Variants in PLCB4 observed in about 807,000 individuals in gnomAD.
PLCB4 encodes the protein phospholipase C beta 4.
A neutral mutation model predicts 178.8 loss-of-function variants in PLCB4; 77 were observed. The ratio of observed to expected loss-of-function variants is 0.43; its 90% CI spans 0.36 to 0.52. PLCB4 has a LOEUF of 0.52. PLCB4 is among the 20% of genes least tolerant of loss of function. The pLI, the probability that PLCB4 is intolerant of heterozygous loss-of-function variation, is 0.00. For synonymous variants in PLCB4, 496 were observed against 490.8 expected (o/e 1.01, Z -0.14); for missense variants, 1,024 against 1,453.4 (o/e 0.70, Z 4.80).
intron 4 of PLCB4, among the ~76,000 whole-genome samples, chr20:9,316,406 C>T (rs1205725921): frequency 6.6e-6 from 1 of 152,144 alleles, no homozygotes; most frequent in African/African-American, 2.4e-5. Context: ...CAGGGACTGG[C>T]ATGATCTGAT....
At chr20:9,424,673 C>T (rs1234099369) in intron 28 of PLCB4, among the ~76,000 whole-genome samples, 1 of 152,262 alleles carries the variant, frequency 6.6e-6, no homozygotes, top group East Asian at 1.9e-4. Context: ...CCTCTCAAAC[C>T]CCTCATTTCC....
chr20:9,198,150 TA>T (rs1156622269), intron 2 of PLCB4, among the ~76,000 whole-genome samples: 1 of 152,150 alleles, frequency 6.6e-6, no homozygotes, highest in East Asian at 1.9e-4. Flanking sequence ...GAGATATAAC[TA>T]AGGTTTTTAT....
intron 2 of PLCB4, among the ~76,000 whole-genome samples, chr20:9,130,041 T>C (rs961783863): frequency 6.6e-6 from 1 of 152,112 alleles, no homozygotes; most frequent in African/African-American, 2.4e-5. Flanking sequence ...TAATATTAAA[T>C]TATGTATTTA....
chr20:9,355,919 C>T (rs1380554472), intron 7 of PLCB4, among the ~76,000 whole-genome samples: 1 of 152,190 alleles, frequency 6.6e-6, no homozygotes, highest in Non-Finnish European at 1.5e-5. Flanking sequence ...ACCAACAGTG[C>T]AAAAGTGTTC....
chr20:9,256,666 A>G (rs571388831), intron 3 of PLCB4, among the ~76,000 whole-genome samples: 2 of 152,308 alleles, frequency 1.3e-5, no homozygotes, highest in South Asian at 2.1e-4. Flanking sequence ...TTAACATCAT[A>G]TTGTCTTCTC....
chr20:9,158,361 G>A (rs954760437), intron 2 of PLCB4, among the ~76,000 whole-genome samples: 1 of 151,678 alleles, frequency 6.6e-6, no homozygotes, highest in Non-Finnish European at 1.5e-5. Context: ...CACCTTCCGG[G>A]TTCAAGTGAT....
intron 3 of PLCB4, among the ~76,000 whole-genome samples, chr20:9,260,014 G>T (rs955618772): frequency 8.6e-5 from 13 of 152,018 alleles, no homozygotes; most frequent in Admixed American, 7.2e-4. Context: ...TAGAGATTTG[G>T]AGGTACATTT....
At chr20:9,462,420 C>T (rs2043463447) in intron 35 of PLCB4, among the ~76,000 whole-genome samples, 1 of 152,164 alleles carries the variant, frequency 6.6e-6, no homozygotes, top group Non-Finnish European at 1.5e-5. Context: ...AGGACTTTGA[C>T]AAGTTGACAG....
At chr20:9,420,057 AC>A in intron 26 of PLCB4, 148 bp downstream of exon 26, 1 of 502,986 alleles carries the variant, frequency 2.0e-6, no homozygotes, top group Non-Finnish European at 3.5e-6. Flanking sequence ...AAAAAATGAG[AC>A]CCATTTTTTC....
At chr20:9,458,240 T>C (rs941055924) in intron 34 of PLCB4, among the ~76,000 whole-genome samples, 1 of 152,228 alleles carries the variant, frequency 6.6e-6, no homozygotes, top group South Asian at 2.1e-4. Flanking sequence ...GGCAAGATGT[T>C]CAAGATGTTC....
chr20:9,072,045 T>C (rs1226305185), intron 1 of PLCB4, among the ~76,000 whole-genome samples: 1 of 152,246 alleles, frequency 6.6e-6, no homozygotes. Flanking sequence ...ATTGAAGTTT[T>C]TAAAATAGTT....
At chr20:9,343,664 A>G (rs6118582) in intron 7 of PLCB4, among the ~76,000 whole-genome samples, 1,718 of 152,194 alleles carry the variant, frequency 0.011, 14 homozygotes, top group Non-Finnish European at 0.019. Flanking sequence ...ACTCTTACCT[A>G]TTTAGGAGAT....
At chr20:9,161,942 A>G (rs530158491) in intron 2 of PLCB4, among the ~76,000 whole-genome samples, 1 of 152,228 alleles carries the variant, frequency 6.6e-6, no homozygotes, top group Non-Finnish European at 1.5e-5. Context: ...TAATGCCGAT[A>G]ATCACTGATA....
At chr20:9,284,997 G>A (rs2094524684) in intron 3 of PLCB4, among the ~76,000 whole-genome samples, 1 of 151,858 alleles carries the variant, frequency 6.6e-6, no homozygotes, top group Admixed American at 6.6e-5. Flanking sequence ...GATGCCCAGG[G>A]GAGGGGAGAA....
chr20:9,476,490 A>C (rs2044552213), intron 38 of PLCB4, among the ~76,000 whole-genome samples: 1 of 152,198 alleles, frequency 6.6e-6, no homozygotes, highest in Non-Finnish European at 1.5e-5. Context: ...AGAGAGGCAC[A>C]GTCTGGGAAT....
chr20:9,228,382 C>T (rs1437922516), intron 3 of PLCB4, among the ~76,000 whole-genome samples: 2 of 152,084 alleles, frequency 1.3e-5, no homozygotes, highest in African/African-American at 2.4e-5. Flanking sequence ...TATGTTTGAC[C>T]TCTAGACCAT....
chr20:9,239,188 A>AG, intron 3 of PLCB4, among the ~76,000 whole-genome samples: 1 of 152,292 alleles, frequency 6.6e-6, no homozygotes, highest in African/African-American at 2.4e-5. Flanking sequence ...TTACCCTGTA[A>AG]GATGGTGGTA....
In PLCB4 at chr20:9,330,588, T is replaced by G. The variant is rs148915344; in HGVS notation, c.85-6538T>G. ...GTTACTATTTGACTGTGGCTTTGAA[T>G]AATTTAGTCTCCTCTGAACCTTTTT... On this transcript the variant is annotated intron_variant, in intron 4 of 39. Transcript: ENST00000378473. Among the ~76,000 whole-genome samples the G allele has an allele frequency of 8.9e-3, 1,349 of 152,342 alleles. 24 individuals are homozygous for G. The highest frequency in any genetic ancestry group is 0.03 in the African/African-American group (1,244 of 41,586).
intron 2 of PLCB4, among the ~76,000 whole-genome samples, chr20:9,184,585 C>T (rs1448005368): frequency 7.4e-5 from 10 of 134,368 alleles, no homozygotes; most frequent in Non-Finnish European, 1.2e-4. Flanking sequence ...GGGTGGTGAC[C>T]CAGCATTGTG....
Sources: allele counts gnomAD v4.1 joint callset (sites outside exome capture counted in the v4.1 genomes callset), GRCh38; gene constraint gnomAD v4.1.1; transcripts MANE v1.5; gene names NCBI Gene and HGNC (gene_info 2026-07-23, HGNC 2026-07-21).